The following RBM44 variants were observed in gnomAD, a reference collection of about 807,000 sequenced individuals.
RBM44 encodes the protein RNA-binding protein 44.
In RBM44, 66 loss-of-function variants were observed where a neutral mutation model predicts 105.1. That is an observed-to-expected ratio of 0.63 (90% CI 0.52 to 0.77). The LOEUF (loss-of-function observed/expected upper bound fraction) is 0.77. RBM44 is among the 30% of genes least tolerant of loss of function. The pLI is 0.00. For synonymous variants in RBM44, 365 were observed against 417.6 expected, an observed-to-expected ratio of 0.87 and a Z score of 1.54; for missense variants, 1,122 against 1,207.8, an observed-to-expected ratio of 0.93 and a Z score of 1.05.
intron 15 of RBM44, 52 bp downstream of exon 15, chr2:237,834,475 T>G (rs2061936598): frequency 1.2e-6 from 1 of 861,390 alleles, no homozygotes; most frequent in Admixed American, 3.7e-5. Flanking sequence ...ATTTATAAGC[T>G]ATTGATTTCA....
intron 1 of RBM44, among the ~76,000 whole-genome samples, chr2:237,805,767 C>A (rs1002925429): frequency 3.3e-5 from 5 of 152,152 alleles, no homozygotes; most frequent in Non-Finnish European, 5.9e-5. Flanking sequence ...GAGTTTGAGA[C>A]CCGCCTGGAC....
At chr2:237,830,566 A>G (rs2061893237) in intron 13 of RBM44, among the ~76,000 whole-genome samples, 2 of 152,116 alleles carry the variant, frequency 1.3e-5, no homozygotes, top group Admixed American at 6.6e-5. Flanking sequence ...TAATTTTTAT[A>G]TATTGTTTCA....
chr2:237,807,728 G>A (rs2061613573), intron 1 of RBM44, among the ~76,000 whole-genome samples: 1 of 152,176 alleles, frequency 6.6e-6, no homozygotes, highest in Non-Finnish European at 1.5e-5. Context: ...GGGATCCAAT[G>A]TGCTTAGGTT....
At chr2:237,819,145 T>C (rs79771850) in intron 4 of RBM44, among the ~76,000 whole-genome samples, 186 bp downstream of exon 4, 4,409 of 152,190 alleles carry the variant, frequency 0.029, 214 homozygotes, top group African/African-American at 0.1. Flanking sequence ...TCTTCACTTA[T>C]TGAGATTTCA....
At chr2:237,801,998 T>A (rs1330496823) in intron 1 of RBM44, among the ~76,000 whole-genome samples, 1 of 152,238 alleles carries the variant, frequency 6.6e-6, no homozygotes, top group East Asian at 1.9e-4. Context: ...ATAAAATTAA[T>A]TGCTTTTTAA....
At chr2:237,820,455 G>A (rs941800163) in intron 5 of RBM44, 104 bp downstream of exon 5, 14 of 705,162 alleles carry the variant, frequency 2.0e-5, no homozygotes, top group African/African-American at 1.9e-4. Flanking sequence ...GTAAAATGAG[G>A]AGTAGATTGT....
At chr2:237,808,527 G>T (rs1011891761) in intron 1 of RBM44, among the ~76,000 whole-genome samples, 1 of 151,668 alleles carries the variant, frequency 6.6e-6, no homozygotes, top group Non-Finnish European at 1.5e-5. Flanking sequence ...AAAATTTCAG[G>T]TAAATTAGGA....
rs867292917 is a variant in RBM44, at chr2:237,807,202, G to T, written c.-18-6390G>T. On this transcript the variant is annotated intron_variant, in intron 1 of 15. Transcript: ENST00000316997. Reference sequence around the variant, plus strand: ...CTCGCTCTGTTGCCCAGGATGGAGTGCAGTGGTGCAATCTTGGCTCACTGC... The same window carrying T: ...CTCGCTCTGTTGCCCAGGATGGAGTTCAGTGGTGCAATCTTGGCTCACTGC... 3.9e-5 allele frequency among the ~76,000 whole-genome samples: 6 copies of T among 152,164 alleles called. No individual in the cohort carries two copies. In the East Asian group the frequency reaches 7.7e-4, roughly 20 times the overall value.
intron 15 of RBM44, among the ~76,000 whole-genome samples, chr2:237,835,833 C>G (rs2061953331): frequency 6.6e-6 from 1 of 151,792 alleles, no homozygotes; most frequent in Admixed American, 6.6e-5. Context: ...ACACTATACC[C>G]AACATATAGT....
intron 15 of RBM44, among the ~76,000 whole-genome samples, chr2:237,836,315 G>T (rs965511824): frequency 4.6e-5 from 7 of 152,086 alleles, no homozygotes; most frequent in African/African-American, 7.2e-5. Flanking sequence ...TTTGGGTTTT[G>T]TTCTTTTTTT....
Position 237,836,507 on chromosome 2 carries a change from C to T in RBM44, c.*22+2084C>T, listed in dbSNP as rs1230569920. Among the ~76,000 whole-genome samples the T allele has an allele frequency of 2.0e-5, 3 of 152,110 alleles. No homozygotes were observed. In the East Asian group the frequency reaches 5.8e-4, roughly 29 times the overall value. On this transcript the variant is annotated intron_variant, in intron 15 of 15. Coordinates refer to ENST00000316997, the MANE Select transcript of RBM44 (RefSeq NM_001080504.3). ...TTTAAATTTCAACCTTTCAGCCAGGCACAGTGGCTCACGCCTGTAATCCCA... is the reference window on the plus strand; with the variant it reads ...TTTAAATTTCAACCTTTCAGCCAGGTACAGTGGCTCACGCCTGTAATCCCA...
chr2:237,830,751 C>T lies in RBM44; in HGVS notation c.2886+1249C>T, dbSNP rs925090664. Reference sequence around the variant, plus strand: ...GTCTATTTTTAGACTGGAACTGTTTCGCTGAACTGTCTCTTTCTACCCATA... The same window carrying T: ...GTCTATTTTTAGACTGGAACTGTTTTGCTGAACTGTCTCTTTCTACCCATA... On this transcript the variant is annotated intron_variant, in intron 13 of 15. Coordinates refer to ENST00000316997, the MANE Select transcript of RBM44 (RefSeq NM_001080504.3). Among the ~76,000 whole-genome samples, 278 of 152,202 alleles carry T rather than the reference C, an allele frequency of 1.8e-3. 1 individual carries two copies. The highest frequency in any genetic ancestry group is 5.9e-3 in the African/African-American group (244 of 41,546).
intron 15 of RBM44, among the ~76,000 whole-genome samples, chr2:237,835,492 A>T (rs550772926): frequency 6.6e-6 from 1 of 152,348 alleles, no homozygotes; most frequent in South Asian, 2.1e-4. Flanking sequence ...GAAGCCAATG[A>T]GGAAAAGTTA....
Position 237,818,924 on chromosome 2 carries a change from A to G in RBM44, c.1701A>G (p.Ala567=), listed in dbSNP as rs544997189. ...AGGATTTCCTGGAATTAAGAAAAGC[A>G]TGTGGTATCACAGACCTAAAGAAAC... ...LNKDFLELRK[A]CGITDLKKHP... Residue 567 remains alanine (A), a synonymous_variant, in exon 4 of 16, where the codon GCA becomes GCG. Transcript: ENST00000316997. This position sits in a 1 kb window ranked among gnomAD's most constrained non-coding sequence, Gnocchi z 4.6. 6.1e-6 allele frequency: 9 copies of G among 1,485,662 alleles called. No homozygotes were observed. The East Asian group carries it at 1.2e-4, about 21-fold the overall frequency. 92.0% of individuals were successfully genotyped at this position (1,485,662 alleles called of 1,614,324 possible).
chr2:237,837,534 T>G (rs2061971632), intron 15 of RBM44, among the ~76,000 whole-genome samples: 1 of 152,236 alleles, frequency 6.6e-6, no homozygotes, highest in African/African-American at 2.4e-5. Context: ...AAGTAACTGC[T>G]GATGCGGTAG....
chr2:237,818,261 G>T lies in RBM44; in HGVS notation c.1342G>T (p.Glu448Ter). 1 of 1,613,114 alleles carries T rather than the reference G, an allele frequency of 6.2e-7. No individual in the cohort carries two copies. Among genetic ancestry groups the T allele is most frequent in the South Asian group, 1.1e-5 (1 of 91,058 alleles). Residue 448 changes from glutamate to a stop codon, truncating the protein, a stop_gained, in exon 3 of 16, where the codon GAA becomes TAA. Coordinates refer to ENST00000316997, the MANE Select transcript of RBM44 (RefSeq NM_001080504.3). LOFTEE classifies it high-confidence loss of function. The surrounding 1 kb of genome is among the most constrained non-coding windows in gnomAD (Gnocchi z 4.6). Reference sequence around the variant, plus strand: ...GAAAACATGCTTTCACAATATAGGAGAAATGTGTACTAAATCATTGACAGA... The same window carrying T: ...GAAAACATGCTTTCACAATATAGGATAAATGTGTACTAAATCATTGACAGA... ...TKKTCFHNIG[E>*]MCTKSLTDAA...
Position 237,818,847 on chromosome 2 carries a change from G to C in RBM44, c.1678-54G>C. On this transcript the variant is annotated intron_variant, in intron 3 of 15. Coordinates refer to ENST00000316997, the MANE Select transcript of RBM44 (RefSeq NM_001080504.3). The surrounding 1 kb of genome is among the most constrained non-coding windows in gnomAD (Gnocchi z 4.6). ...AGAAATTGAATTGTACATTTTATTAGTTTGGAATTTCAGATATAACTTTTT... is the reference window on the plus strand; with the variant it reads ...AGAAATTGAATTGTACATTTTATTACTTTGGAATTTCAGATATAACTTTTT... 1 of 1,016,614 alleles carries C rather than the reference G, an allele frequency of 9.8e-7. No homozygotes were observed. The allele number at this position is 1,016,614 out of a possible 1,614,324, so 63.0% of individuals were successfully genotyped here. A position where few individuals can be genotyped will look rare whatever the true frequency, so the allele number is the denominator to read the frequency against.
At chr2:237,827,383 A>G in intron 11 of RBM44, 50 bp from the exon 12 acceptor site, 4 of 1,460,304 alleles carry the variant, frequency 2.7e-6, no homozygotes, top group Non-Finnish European at 3.8e-6. Flanking sequence ...AGTTGTTCAT[A>G]TTTGTTGTTT....
At position 237,818,787 on chromosome 2, in the gene RBM44, C is replaced by T. The variant is rs928266367; in HGVS notation, c.1678-114C>T. On this transcript the variant is annotated intron_variant, in intron 3 of 15. Coordinates refer to ENST00000316997, the MANE Select transcript of RBM44 (RefSeq NM_001080504.3). The surrounding 1 kb of genome is among the most constrained non-coding windows in gnomAD (Gnocchi z 4.6). ...CGTGTAAATTACCACCAGTTCTATC[C>T]TCCTCTCCTGGCAGCTCCTCCCACA... is the stretch of plus-strand genomic sequence containing the variant. 3.0e-6 allele frequency: 2 copies of T among 675,654 alleles called. No individual in the cohort carries two copies. Among genetic ancestry groups the T allele is most frequent in the Non-Finnish European group, 4.9e-6 (2 of 409,708 alleles). 41.9% of individuals were successfully genotyped at this position (675,654 alleles called of 1,614,324 possible). A position where few individuals can be genotyped will look rare whatever the true frequency, so the allele number is the denominator to read the frequency against.
Sources: allele counts gnomAD v4.1 joint callset (sites outside exome capture counted in the v4.1 genomes callset), GRCh38; gene constraint gnomAD v4.1.1; non-coding constraint Gnocchi (gnomAD v3.1); transcripts MANE v1.5; gene names NCBI Gene and HGNC (gene_info 2026-07-23, HGNC 2026-07-21).